PRKG1: variants seen among roughly 807,000 people sequenced by gnomAD.
PRKG1 encodes the protein cGMP-dependent protein kinase 1.
A neutral mutation model predicts 88.1 loss-of-function variants in PRKG1; 35 were observed. That is an observed-to-expected ratio of 0.40 (90% CI 0.30 to 0.53). The LOEUF is 0.53. PRKG1 is among the 20% of genes least tolerant of loss of function. The pLI is 0.59. For synonymous variants in PRKG1, 303 were observed against 292.5 expected (o/e 1.04, Z -0.37); for missense variants, 540 against 839.8 (o/e 0.64, Z 4.41).
chr10:51,599,521 A>G (rs769343037), intron 3 of PRKG1, among the ~76,000 whole-genome samples: 3 of 152,168 alleles, frequency 2.0e-5, no homozygotes, highest in Admixed American at 6.6e-5. Flanking sequence ...GTATTGATTT[A>G]ATTTTGGCCT....
At chr10:51,372,455 C>A (rs1039086419) in intron 2 of PRKG1, among the ~76,000 whole-genome samples, 1 of 152,044 alleles carries the variant, frequency 6.6e-6, no homozygotes, top group Non-Finnish European at 1.5e-5. Flanking sequence ...ATCATGTCCC[C>A]AGCAAATTTT....
At chr10:51,734,211 A>G (rs964647904) in intron 3 of PRKG1, among the ~76,000 whole-genome samples, 1 of 152,128 alleles carries the variant, frequency 6.6e-6, no homozygotes, top group African/African-American at 2.4e-5. Context: ...CCTTATAAAT[A>G]TTGGGGATGA....
In PRKG1 at chr10:52,066,403, ACCCG is replaced by A. The variant is rs71851083; in HGVS notation, c.935+3773_935+3776del. Reference sequence around the variant, plus strand: ...CCCAAATATTTATATTCTTATTTGAACCCGGTGTCTGGCACTTATCAAATACCCA... The same window carrying A: ...CCCAAATATTTATATTCTTATTTGAAGTGTCTGGCACTTATCAAATACCCA... On this transcript the variant is annotated intron_variant, in intron 7 of 17. Coordinates refer to ENST00000373980, the MANE Select transcript of PRKG1 (RefSeq NM_006258.4). Among the ~76,000 whole-genome samples the A allele has an allele frequency of 4.0e-3, 616 of 152,256 alleles. 5 individuals are homozygous for A. Among genetic ancestry groups the A allele is most frequent in the African/African-American group, 0.014 (575 of 41,546 alleles).
chr10:51,015,216 G>A (rs1447692222), intron 1 of PRKG1, among the ~76,000 whole-genome samples: 2 of 152,194 alleles, frequency 1.3e-5, no homozygotes, highest in African/African-American at 4.8e-5. Flanking sequence ...AGAATGTCCA[G>A]ACGCAGTTAA....
chr10:51,848,653 G>C (rs189557117), intron 4 of PRKG1, among the ~76,000 whole-genome samples: 1 of 151,662 alleles, frequency 6.6e-6, no homozygotes, highest in Admixed American at 6.6e-5. Flanking sequence ...GTGTGTGTGT[G>C]TGTGTGTGTG....
intron 3 of PRKG1, among the ~76,000 whole-genome samples, chr10:51,647,973 C>T (rs1215510419): frequency 6.6e-6 from 1 of 151,894 alleles, no homozygotes; most frequent in Non-Finnish European, 1.5e-5. Flanking sequence ...AATTATCTTT[C>T]TCTGTAATAA....
chr10:51,892,311 A>T (rs959010060), intron 4 of PRKG1, among the ~76,000 whole-genome samples: 1 of 152,216 alleles, frequency 6.6e-6, no homozygotes. Context: ...GAATTTTAAA[A>T]TTTATTTATG....
At chr10:51,720,223 C>T (rs1449939482) in intron 3 of PRKG1, among the ~76,000 whole-genome samples, 3 of 152,172 alleles carry the variant, frequency 2.0e-5, no homozygotes, top group Admixed American at 6.5e-5. Flanking sequence ...ACCTACAGGA[C>T]CTTCCATAAT....
intron 9 of PRKG1, among the ~76,000 whole-genome samples, chr10:52,202,632 T>C (rs901839915): frequency 2.6e-5 from 4 of 151,988 alleles, no homozygotes; most frequent in African/African-American, 7.2e-5. Flanking sequence ...ATATATCTTA[T>C]AGAATTTGAC....
chr10:51,223,104 A>C (rs1838594992), intron 2 of PRKG1, among the ~76,000 whole-genome samples: 2 of 151,924 alleles, frequency 1.3e-5, no homozygotes, highest in Non-Finnish European at 1.5e-5. Flanking sequence ...AACTGTAATC[A>C]CCACGCTGTA....
At chr10:51,079,539 C>A (rs887635078) in intron 1 of PRKG1, among the ~76,000 whole-genome samples, 1 of 152,168 alleles carries the variant, frequency 6.6e-6, no homozygotes, top group Non-Finnish European at 1.5e-5. Context: ...TTGGGAGCAA[C>A]TAGTGGCTGT....
chr10:51,536,863 A>G (rs1005955803), intron 3 of PRKG1, among the ~76,000 whole-genome samples: 1 of 134,064 alleles, frequency 7.5e-6, no homozygotes, highest in Non-Finnish European at 1.5e-5. Flanking sequence ...ATGTGTTCTC[A>G]TTGTTCAATT....
intron 4 of PRKG1, among the ~76,000 whole-genome samples, chr10:51,861,461 T>A (rs931106176): frequency 3.0e-4 from 45 of 152,312 alleles, no homozygotes; most frequent in African/African-American, 1.0e-3. Flanking sequence ...AACTATTATT[T>A]TTTTCATCAG....
chr10:51,745,346 GT>G (rs976210488), intron 3 of PRKG1, among the ~76,000 whole-genome samples: 6 of 151,974 alleles, frequency 3.9e-5, no homozygotes, highest in Admixed American at 3.9e-4. Flanking sequence ...TTTTAGAGCA[GT>G]TTTAGGTTCA....
At chr10:51,172,728 G>A (rs1837077784) in intron 2 of PRKG1, among the ~76,000 whole-genome samples, 1 of 151,718 alleles carries the variant, frequency 6.6e-6, no homozygotes, top group African/African-American at 2.4e-5. Flanking sequence ...TCATATGTGT[G>A]GAAAACTGCA....
At chr10:51,574,935 G>A (rs951924417) in intron 3 of PRKG1, among the ~76,000 whole-genome samples, 1 of 151,956 alleles carries the variant, frequency 6.6e-6, no homozygotes, top group Non-Finnish European at 1.5e-5. Context: ...TAAATGGTGA[G>A]AGCAGGAGAG....
At chr10:52,129,861 G>C (rs1026763995) in intron 7 of PRKG1, among the ~76,000 whole-genome samples, 22 of 152,232 alleles carry the variant, frequency 1.4e-4, no homozygotes, top group African/African-American at 5.3e-4. Flanking sequence ...CTGCTCAAAG[G>C]TTATTCAACA....
chr10:51,575,346 T>G (rs1434290853), intron 3 of PRKG1, among the ~76,000 whole-genome samples: 1 of 151,994 alleles, frequency 6.6e-6, no homozygotes, highest in African/African-American at 2.4e-5. Context: ...AACACCACAC[T>G]GCAGTTTGAG....
At chr10:51,281,942 A>T (rs776757867) in intron 2 of PRKG1, among the ~76,000 whole-genome samples, 1 of 152,208 alleles carries the variant, frequency 6.6e-6, no homozygotes, top group Non-Finnish European at 1.5e-5. Context: ...TAATGAAATC[A>T]GCATTTTTCA....
Sources: allele counts gnomAD v4.1 joint callset (sites outside exome capture counted in the v4.1 genomes callset), GRCh38; gene constraint gnomAD v4.1.1; transcripts MANE v1.5; gene names NCBI Gene and HGNC (gene_info 2026-07-23, HGNC 2026-07-21).